The following IFT122 variants were observed in gnomAD, a reference collection of about 807,000 sequenced individuals.
The protein encoded by IFT122 is intraflagellar transport 122.
Under a neutral mutation model 161.6 loss-of-function variants are expected in IFT122, and 118 were observed. The observed-to-expected ratio is 0.73, with a 90% CI of 0.63 to 0.85. IFT122 has a LOEUF of 0.85. Ranked by LOEUF, IFT122 falls within the 40% of genes least tolerant of loss-of-function variation. The pLI, the probability that IFT122 is intolerant of heterozygous loss-of-function variation, is 0.00. For synonymous variants in IFT122, 550 were observed against 602.4 expected, an observed-to-expected ratio of 0.91 and a Z score of 1.27; for missense variants, 1,381 against 1,579.6, an observed-to-expected ratio of 0.87 and a Z score of 2.13.
chr3:129,452,204 C>A, intron 3 of IFT122: 2 of 531,702 alleles, frequency 3.8e-6, no homozygotes, highest in Non-Finnish European at 6.8e-6. Flanking sequence ...GTTCAAGGTG[C>A]TTGAGTTACT....
chr3:129,452,341 T>C (rs6786195), intron 3 of IFT122: 40,884 of 316,842 alleles, frequency 0.13, 3,534 homozygotes, highest in South Asian at 0.25. Flanking sequence ...GTAAATTAAG[T>C]AGTATGCTGG....
At chr3:129,450,723 T>G (rs1297608778) in intron 2 of IFT122, among the ~76,000 whole-genome samples, 3 of 123,884 alleles carry the variant, frequency 2.4e-5, no homozygotes, top group South Asian at 3.0e-4. Flanking sequence ...GTTTTTTTTT[T>G]TTTTTTTTTT....
chr3:129,449,299 T>A (rs2074447217), intron 1 of IFT122, among the ~76,000 whole-genome samples: 1 of 152,226 alleles, frequency 6.6e-6, no homozygotes. Context: ...CAAAAAATGC[T>A]GCCAGTTACA....
chr3:129,511,692 C>T (rs1161658567), intron 23 of IFT122, among the ~76,000 whole-genome samples: 1 of 152,226 alleles, frequency 6.6e-6, no homozygotes, highest in African/African-American at 2.4e-5. Flanking sequence ...GTGCTAACTG[C>T]CTCCTGTTAG....
chr3:129,458,721 G>C (rs1274616638), intron 4 of IFT122, 44 bp downstream of exon 4: 1 of 1,382,428 alleles, frequency 7.2e-7, no homozygotes, highest in South Asian at 1.2e-5. Flanking sequence ...GATGCTTATT[G>C]AATAATTGCA....
At chr3:129,446,155 C>T (rs1282026193) in intron 1 of IFT122, among the ~76,000 whole-genome samples, 1 of 152,060 alleles carries the variant, frequency 6.6e-6, no homozygotes, top group Non-Finnish European at 1.5e-5. Context: ...GCTTCCTCTG[C>T]AAACAGTAAC....
chr3:129,501,135 C>T (rs763275725), intron 19 of IFT122, among the ~76,000 whole-genome samples: 1 of 152,062 alleles, frequency 6.6e-6, no homozygotes, highest in Non-Finnish European at 1.5e-5. Context: ...CCTTGGGACT[C>T]AGCACACCGG....
At position 129,477,342 on chromosome 3, in the gene IFT122, G is replaced by A. The variant is rs1289682019; in HGVS notation, c.1147+541G>A. ...GCAGTCTCTCCCTCTGTCCACTTAA[G>A]TTGCTGTGCTGGTTAAATAGACTCA... On this transcript the variant is annotated intron_variant, in intron 11 of 29. Coordinates refer to ENST00000348417, the MANE Select transcript of IFT122 (RefSeq NM_052989.3). 2.0e-5 allele frequency among the ~76,000 whole-genome samples: 3 copies of A among 152,348 alleles called. No homozygotes were observed. In the East Asian group the frequency reaches 5.8e-4, roughly 29 times the overall value.
At chr3:129,506,610 A>G in intron 22 of IFT122, 61 bp downstream of exon 22, 1 of 1,605,668 alleles carries the variant, frequency 6.2e-7, no homozygotes, top group South Asian at 1.1e-5. Flanking sequence ...CAAGATAAAC[A>G]TCAGAAGAGC....
chr3:129,440,551 G>A (rs1477192942), intron 1 of IFT122, among the ~76,000 whole-genome samples, 180 bp downstream of exon 1: 1 of 152,222 alleles, frequency 6.6e-6, no homozygotes, highest in Non-Finnish European at 1.5e-5. Flanking sequence ...AAACTCCCGA[G>A]GGTTGGAGAG....
intron 19 of IFT122, among the ~76,000 whole-genome samples, chr3:129,500,752 G>A (rs906008643): frequency 2.6e-5 from 4 of 152,152 alleles, no homozygotes; most frequent in Non-Finnish European, 5.9e-5. Flanking sequence ...GAATGGGAGG[G>A]TGAAGGACAT....
rs1577778201 is a variant in IFT122, at chr3:129,488,469, G to C, written c.1992+72G>C. 5 of 1,601,720 alleles carry C rather than the reference G, an allele frequency of 3.1e-6. No individual in the cohort carries two copies. In the East Asian group the frequency reaches 1.1e-4, roughly 36 times the overall value. The stretch of plus-strand genomic sequence containing the variant: ...CCTTAAGAAGGCAGATGGGGACCCA[G>C]GTGGCACGGAGAGGCCATAGACTGC... On this transcript the variant is annotated intron_variant, in intron 16 of 29. Coordinates refer to ENST00000348417, the MANE Select transcript of IFT122 (RefSeq NM_052989.3).
chr3:129,497,299 C>T (rs965565389), intron 18 of IFT122, among the ~76,000 whole-genome samples: 2 of 152,144 alleles, frequency 1.3e-5, no homozygotes, highest in Non-Finnish European at 2.9e-5. Context: ...GGCCTTGGTG[C>T]CCCAGAGCTG....
At chr3:129,476,171 G>A in intron 9 of IFT122, 144 bp from the exon 10 acceptor site, 5 of 829,032 alleles carry the variant, frequency 6.0e-6, no homozygotes, top group Non-Finnish European at 1.0e-5. Context: ...TGTTCACCAT[G>A]GGATGACACA....
rs143775595 is a variant in IFT122 at position 129,478,836 on chromosome 3, A to T, written c.1350+618A>T. Reference sequence around the variant, plus strand: ...AAAACATAAATTGGTGTACAGAATGAAGATAGTTTTTATTGATAAGCATAT... The same window carrying T: ...AAAACATAAATTGGTGTACAGAATGTAGATAGTTTTTATTGATAAGCATAT... On this transcript the variant is annotated intron_variant, in intron 12 of 29. Transcript: ENST00000348417. 2.0e-3 allele frequency among the ~76,000 whole-genome samples: 298 copies of T among 152,362 alleles called. 1 individual carries two copies. Among genetic ancestry groups the T allele is most frequent in the African/African-American group, 6.3e-3 (260 of 41,584 alleles).
chr3:129,473,432 G>A (rs1384274490), intron 9 of IFT122, among the ~76,000 whole-genome samples: 1 of 152,164 alleles, frequency 6.6e-6, no homozygotes, highest in Admixed American at 6.5e-5. Flanking sequence ...AATATTGTGA[G>A]TAATATGTCA....
chr3:129,506,333 C>T (rs1559991147), intron 21 of IFT122, 76 bp from the exon 22 acceptor site: 3 of 1,570,842 alleles, frequency 1.9e-6, no homozygotes, highest in Admixed American at 3.3e-5. Context: ...GTGCAAGCCC[C>T]ACAGAGCTCC....
At chr3:129,489,964 T>A (rs2079857055) in intron 16 of IFT122, among the ~76,000 whole-genome samples, 1 of 151,848 alleles carries the variant, frequency 6.6e-6, no homozygotes, top group South Asian at 2.1e-4. Context: ...ATAGAAAGGA[T>A]TGTAAAAAGC....
At chr3:129,441,812 G>A (rs2073178550) in intron 1 of IFT122, among the ~76,000 whole-genome samples, 1 of 152,164 alleles carries the variant, frequency 6.6e-6, no homozygotes, top group Admixed American at 6.5e-5. Context: ...AGAGATTTGA[G>A]TTTTAAAAAA....
Sources: allele counts gnomAD v4.1 joint callset (sites outside exome capture counted in the v4.1 genomes callset), GRCh38; gene constraint gnomAD v4.1.1; transcripts MANE v1.5; gene names NCBI Gene and HGNC (gene_info 2026-07-23, HGNC 2026-07-21).